KIF24: variants seen among roughly 807,000 people sequenced by gnomAD.
KIF24 encodes the protein kinesin family member 24.
KIF24 carries 81 observed loss-of-function variants against 118.9 expected under a neutral mutation model. The observed-to-expected ratio is 0.68, with a 90% confidence interval of 0.57 to 0.82. The LOEUF is 0.82. Among genes scored for constraint, KIF24 ranks in the 40% least tolerant of loss-of-function variants. The pLI, the probability that KIF24 is intolerant of heterozygous loss-of-function variation, is 0.00. For synonymous variants in KIF24, 599 were observed against 610.0 expected (o/e 0.98, Z 0.27); for missense variants, 1,560 against 1,661.6 (o/e 0.94, Z 1.06).
chr9:34,282,475 T>TA (rs1835881376), intron 6 of KIF24: 1 of 151,654 alleles, frequency 6.6e-6, no homozygotes, highest in East Asian at 1.9e-4. Context: ...GAATATACTT[T>TA]TAAAAAATCA....
At chr9:34,287,753 G>C (rs563973137) in intron 5 of KIF24, among the ~76,000 whole-genome samples, 7 of 152,032 alleles carry the variant, frequency 4.6e-5, no homozygotes, top group African/African-American at 4.8e-5. Flanking sequence ...TCTAGCCGTT[G>C]GATGCAGTGG....
intron 1 of KIF24, among the ~76,000 whole-genome samples, chr9:34,322,810 T>C (rs888186038): frequency 1.3e-5 from 2 of 152,178 alleles, no homozygotes; most frequent in Admixed American, 6.5e-5. Flanking sequence ...GAGCCAAGAT[T>C]GCGCCACTGC....
chr9:34,330,673 TG>T (rs1837888765), upstream of KIF24, among the ~76,000 whole-genome samples: 1 of 152,002 alleles, frequency 6.6e-6, no homozygotes, highest in Admixed American at 6.6e-5. Context: ...TCTTAAAAAA[TG>T]GTAGCGGCCG....
rs1268198741 is a variant in KIF24 at position 34,253,202 on chromosome 9, A to G, written c.*1178T>C. 1 of 152,254 alleles carries G rather than the reference A, an allele frequency of 6.6e-6. No individual in the cohort carries two copies. Among genetic ancestry groups the G allele is most frequent in the African/African-American group, 2.4e-5 (1 of 41,464 alleles). The allele number at this position is 152,254 out of a possible 1,614,324, so 9.4% of individuals were successfully genotyped here. ...TAACCCTCTTCTTGGCCTTTTAATT[A>G]AGCCCTCCTTTTAAAACCGTAAAAA... is the stretch of plus-strand genomic sequence containing the variant. On this transcript the variant is annotated 3_prime_UTR_variant, in exon 13 of 13. Coordinates refer to ENST00000402558, the MANE Select transcript of KIF24 (RefSeq NM_194313.4).
intron 3 of KIF24, among the ~76,000 whole-genome samples, chr9:34,299,288 C>A (rs112907101): frequency 0.032 from 4,912 of 152,058 alleles, 192 homozygotes; most frequent in East Asian, 0.16. Flanking sequence ...TTAAGCAACT[C>A]TCCTGCTTCA....
chr9:34,280,840 C>T (rs1279782122), intron 6 of KIF24, among the ~76,000 whole-genome samples: 1 of 152,116 alleles, frequency 6.6e-6, no homozygotes, highest in East Asian at 1.9e-4. Context: ...AAGATATATA[C>T]CAATGATGGG....
In KIF24 at chr9:34,318,352, T is replaced by C. The variant is rs976173126; in HGVS notation, c.-25-6981A>G. 2 of 428,718 alleles carry C rather than the reference T, an allele frequency of 4.7e-6. No homozygotes were observed. The highest frequency in any genetic ancestry group is 9.1e-6 in the Non-Finnish European group (2 of 219,548). 26.6% of individuals were successfully genotyped at this position (428,718 alleles called of 1,614,324 possible). A position where few individuals can be genotyped will look rare whatever the true frequency, so the allele number is the denominator to read the frequency against. On this transcript the variant is annotated intron_variant, in intron 1 of 12. Coordinates refer to ENST00000402558, the MANE Select transcript of KIF24 (RefSeq NM_194313.4). The surrounding 1 kb of genome is among the most constrained non-coding windows in gnomAD (Gnocchi z 4.9). ...CCAGCCCAACCCAGCCCAACCCAGC[T>C]TGACCTAGCCCTGACAGGTCCATCG...
intron 6 of KIF24, among the ~76,000 whole-genome samples, chr9:34,276,912 G>A (rs950457591): frequency 6.6e-6 from 1 of 152,200 alleles, no homozygotes. Flanking sequence ...TGCTGGGTAA[G>A]ACACTTAAGG....
rs140793417 is a variant in KIF24, at chr9:34,328,619, G to T, written c.-26+487C>A. On this transcript the variant is annotated intron_variant, in intron 1 of 12. Coordinates refer to ENST00000402558, the MANE Select transcript of KIF24 (RefSeq NM_194313.4). Reference sequence around the variant, plus strand: ...GAGACAACAAGGCAGGGCATGAAGAGGAATCCAATCTATTTCTTGTAAATT... The same window carrying T: ...GAGACAACAAGGCAGGGCATGAAGATGAATCCAATCTATTTCTTGTAAATT... Among the ~76,000 whole-genome samples the T allele has an allele frequency of 1.9e-3, 295 of 152,288 alleles. 1 individual carries two copies. Among genetic ancestry groups the T allele is most frequent in the African/African-American group, 6.7e-3 (279 of 41,548 alleles).
upstream of KIF24, among the ~76,000 whole-genome samples, chr9:34,330,244 A>G (rs536308489): frequency 3.0e-4 from 46 of 152,228 alleles, no homozygotes; most frequent in Middle Eastern, 3.4e-3. Flanking sequence ...TCTACTAAAC[A>G]AAATACAAAA....
chr9:34,280,048 G>A (rs1835789479), intron 6 of KIF24, among the ~76,000 whole-genome samples: 1 of 151,662 alleles, frequency 6.6e-6, no homozygotes, highest in African/African-American at 2.4e-5. Flanking sequence ...ACTTTGGGAG[G>A]CCGAGGCAGG....
Position 34,271,856 on chromosome 9 carries a change from G to C in KIF24, c.1290C>G (p.Ala430=). 1 of 1,612,102 alleles carries C rather than the reference G, an allele frequency of 6.2e-7. No individual in the cohort carries two copies. The highest frequency in any genetic ancestry group is 1.1e-5 in the South Asian group (1 of 90,528). ...GVNADSSRSH[A]VIQIQIKDSA... ...AATCTTTGATCTGAATTTGGATGAC[G>C]GCATGGGAGCGGGAGGAGTCTGCAT... Residue 430 remains alanine, a synonymous_variant, in exon 7 of 13, where the codon GCC becomes GCG. Coordinates refer to ENST00000402558, the MANE Select transcript of KIF24 (RefSeq NM_194313.4).
At chr9:34,303,988 T>A (rs1836822163) in intron 3 of KIF24, among the ~76,000 whole-genome samples, 1 of 152,194 alleles carries the variant, frequency 6.6e-6, no homozygotes, top group Non-Finnish European at 1.5e-5. Context: ...AAAACTAGAA[T>A]GAAACAATAT....
At chr9:34,305,720 C>A (rs1836887888) in intron 3 of KIF24, among the ~76,000 whole-genome samples, 2 of 152,226 alleles carry the variant, frequency 1.3e-5, no homozygotes, top group Admixed American at 1.3e-4. Context: ...CCTCCTGCCT[C>A]AGCCTCCTGA....
intron 8 of KIF24, among the ~76,000 whole-genome samples, chr9:34,265,786 A>G (rs1459037203): frequency 6.6e-6 from 1 of 152,176 alleles, no homozygotes; most frequent in Non-Finnish European, 1.5e-5. Context: ...GATTTCTAGC[A>G]TAACAGAAAA....
At position 34,321,869 on chromosome 9, in the gene KIF24, G is replaced by A. The variant is rs541032019; in HGVS notation, c.-26+7237C>T. Among the ~76,000 whole-genome samples the A allele has an allele frequency of 3.7e-4, 57 of 152,130 alleles. 1 individual carries two copies. The highest frequency in any genetic ancestry group is 1.2e-3 in the African/African-American group (50 of 41,504). The stretch of plus-strand genomic sequence containing the variant: ...CGATCCTCTTGCCTCAGCCCCCAAA[G>A]TGTTGGGATTACAGGCATGAGCCAC... On this transcript the variant is annotated intron_variant, in intron 1 of 12. Transcript: ENST00000402558.
chr9:34,323,874 T>G (rs779179783), intron 1 of KIF24, among the ~76,000 whole-genome samples: 41 of 152,220 alleles, frequency 2.7e-4, no homozygotes, highest in Admixed American at 9.2e-4. Context: ...ATTAGTATCA[T>G]CTCCCTTTTT....
chr9:34,316,853 C>T (rs1462837763), intron 1 of KIF24, among the ~76,000 whole-genome samples: 1 of 151,466 alleles, frequency 6.6e-6, no homozygotes, highest in Admixed American at 6.6e-5. Context: ...GAGTGGATCA[C>T]AAGGTCAGGA....
At chr9:34,319,367 G>T in intron 1 of KIF24, 1 of 876,562 alleles carries the variant, frequency 1.1e-6, no homozygotes, top group Non-Finnish European at 1.9e-6. Flanking sequence ...TCCTGGCTAG[G>T]CTTGGCCTGA....
Sources: allele counts gnomAD v4.1 joint callset (sites outside exome capture counted in the v4.1 genomes callset), GRCh38; gene constraint gnomAD v4.1.1; non-coding constraint Gnocchi (gnomAD v3.1); transcripts MANE v1.5; gene names NCBI Gene and HGNC (gene_info 2026-07-23, HGNC 2026-07-21).